Variants in PHTF2 observed in about 807,000 individuals in gnomAD.
PHTF2 encodes the protein putative homeodomain transcription factor 2, also known as protein PHTF2.
Under a neutral mutation model 101.2 loss-of-function variants are expected in PHTF2, and 60 were observed. The observed-to-expected ratio is 0.59, with a 90% CI of 0.48 to 0.73. The LOEUF is 0.73. PHTF2 is among the 30% of genes least tolerant of loss of function. PHTF2 has a pLI of 0.00. For missense variants in PHTF2, 747 were observed against 908.7 expected (o/e 0.82, Z 2.29); for synonymous variants, 311 against 307.3 (o/e 1.01, Z -0.13).
chr7:77,905,175 C>A (rs1374507494), intron 7 of PHTF2, among the ~76,000 whole-genome samples: 1 of 152,102 alleles, frequency 6.6e-6, no homozygotes, highest in Admixed American at 6.6e-5. Context: ...CTAATTGCCA[C>A]TGAATCTTAA....
At chr7:77,849,598 G>T (rs1796576896) in intron 2 of PHTF2, among the ~76,000 whole-genome samples, 1 of 152,188 alleles carries the variant, frequency 6.6e-6, no homozygotes, top group Non-Finnish European at 1.5e-5. Flanking sequence ...TTTCTCTGAA[G>T]AATGTCATTG....
chr7:77,810,681 G>T (rs1417488103), intron 1 of PHTF2, among the ~76,000 whole-genome samples: 1 of 150,206 alleles, frequency 6.7e-6, no homozygotes, highest in Admixed American at 6.6e-5. Flanking sequence ...GGGACTACAG[G>T]CACGTACCAC....
At chr7:77,832,310 C>A (rs1370032641) in intron 1 of PHTF2, among the ~76,000 whole-genome samples, 6 of 152,166 alleles carry the variant, frequency 3.9e-5, no homozygotes, top group African/African-American at 1.4e-4. Flanking sequence ...CCTTCTTTCT[C>A]CCAGCTGGTG....
At chr7:77,837,707 G>C (rs1368389163) in intron 1 of PHTF2, among the ~76,000 whole-genome samples, 1 of 152,114 alleles carries the variant, frequency 6.6e-6, no homozygotes, top group Non-Finnish European at 1.5e-5. Flanking sequence ...TTATCTAAGT[G>C]TAGCTTGGTA....
At chr7:77,956,405 C>G (rs900486936) in exon 20 of PHTF2, 15 of 152,542 alleles carry the variant, frequency 9.8e-5, no homozygotes, top group African/African-American at 3.6e-4. Flanking sequence ...TTTGATCAGC[C>G]TCAATTCAGC....
At chr7:77,841,268 C>T (rs1002521180) in intron 2 of PHTF2, among the ~76,000 whole-genome samples, 4 of 151,502 alleles carry the variant, frequency 2.6e-5, no homozygotes, top group Admixed American at 2.0e-4. Flanking sequence ...TTAGTAGAGA[C>T]AGGGTTTCGC....
intron 10 of PHTF2, among the ~76,000 whole-genome samples, chr7:77,921,975 C>A (rs993948098): frequency 7.3e-6 from 1 of 136,828 alleles, no homozygotes; most frequent in Non-Finnish European, 1.6e-5. Context: ...CTTTCACCTT[C>A]TTTTAAGTGG....
chr7:77,867,127 G>T (rs1047678980), intron 3 of PHTF2, among the ~76,000 whole-genome samples: 3 of 152,090 alleles, frequency 2.0e-5, no homozygotes, highest in Non-Finnish European at 4.4e-5. Flanking sequence ...TGTTGTTAAG[G>T]CTAAGTTGGA....
At chr7:77,942,857 AAAT>A (rs1030839631) in intron 16 of PHTF2, 71 bp downstream of exon 15, 47 of 751,558 alleles carry the variant, frequency 6.3e-5, no homozygotes, top group Middle Eastern at 6.0e-4. Flanking sequence ...ATAAATAATC[AAAT>A]AATAATATAA....
chr7:77,927,016 G>A (rs528096342), intron 11 of PHTF2, among the ~76,000 whole-genome samples: 1 of 151,354 alleles, frequency 6.6e-6, no homozygotes, highest in East Asian at 1.9e-4. Context: ...AAATTAGCCC[G>A]GTGTGGTGGC....
At chr7:77,947,288 G>T (rs377575439) in intron 16 of PHTF2, among the ~76,000 whole-genome samples, 7 of 152,026 alleles carry the variant, frequency 4.6e-5, no homozygotes, top group African/African-American at 1.7e-4. Context: ...GAGGCTGAGC[G>T]CGGTGGCTCA....
intron 1 of PHTF2, among the ~76,000 whole-genome samples, chr7:77,818,341 A>G (rs1794017169): frequency 6.6e-6 from 1 of 152,216 alleles, no homozygotes; most frequent in African/African-American, 2.4e-5. Flanking sequence ...CCAGAAACCA[A>G]TGCCCTGAAG....
At chr7:77,946,246 T>A (rs527260835) in intron 16 of PHTF2, among the ~76,000 whole-genome samples, 1 of 152,322 alleles carries the variant, frequency 6.6e-6, no homozygotes, top group South Asian at 2.1e-4. Context: ...AAATTTTCAG[T>A]GGGCATTCAT....
At chr7:77,876,041 T>A (rs1305318705) in intron 3 of PHTF2, among the ~76,000 whole-genome samples, 1 of 152,238 alleles carries the variant, frequency 6.6e-6, no homozygotes, top group African/African-American at 2.4e-5. Flanking sequence ...ACAGTGCCTG[T>A]GTGCCTGAGC....
chr7:77,821,515 G>A (rs1332857399), intron 1 of PHTF2, among the ~76,000 whole-genome samples: 1 of 151,954 alleles, frequency 6.6e-6, no homozygotes, highest in South Asian at 2.1e-4. Flanking sequence ...TCAGGTTTGG[G>A]ACATGGGTAC....
rs1262394751 is a variant in PHTF2 at position 77,940,024 on chromosome 7, C to T, written c.1468-6C>T. The T allele has an allele frequency of 6.3e-7, 1 of 1,590,888 alleles. No individual in the cohort carries two copies. Among genetic ancestry groups the T allele is most frequent in the Non-Finnish European group, 8.6e-7 (1 of 1,167,946 alleles). ...CTTTTCTCTCTCTTCCCCTGGCTCC[C>T]TCAAGGTGAACAGCCATATACCAGG... is the stretch of plus-strand genomic sequence containing the variant. On this transcript the variant is annotated splice_region_variant and splice_polypyrimidine_tract_variant and intron_variant, in intron 13 of 19. Coordinates refer to ENST00000416283, the Ensembl canonical transcript of PHTF2.
intron 12 of PHTF2, among the ~76,000 whole-genome samples, chr7:77,932,607 AGAGAGAGAGAGAGAGTGTGTGT>A (rs1804690343): frequency 3.5e-5 from 3 of 85,882 alleles, no homozygotes; most frequent in African/African-American, 1.4e-4. Flanking sequence ...AGAGAAAGAG[AGAGAGAGAGAGAGAGTGTGTGT>A]GTGTGTGTGT....
At chr7:77,926,189 T>G (rs949219948) in intron 11 of PHTF2, among the ~76,000 whole-genome samples, 1 of 152,224 alleles carries the variant, frequency 6.6e-6, no homozygotes, top group African/African-American at 2.4e-5. Flanking sequence ...TTAATCCTGA[T>G]TAACAAGTCT....
chr7:77,801,489 T>C (rs766761222), intron 1 of PHTF2, among the ~76,000 whole-genome samples: 6 of 151,986 alleles, frequency 3.9e-5, no homozygotes, highest in Non-Finnish European at 8.8e-5. Flanking sequence ...GGGAGGCTGA[T>C]ACAGGAGAAT....
Sources: gnomAD v4.1 joint callset for allele counts (sites outside exome capture counted in the v4.1 genomes callset) on GRCh38, gnomAD v4.1.1 for gene constraint, MANE v1.5 for transcripts, NCBI Gene and HGNC (gene_info 2026-07-23, HGNC 2026-07-21) for gene names.